ZNF783: variants seen among roughly 807,000 people sequenced by gnomAD.
The protein encoded by ZNF783 is zinc finger protein 783, also known as protein ZNF783.
A neutral mutation model predicts 31.3 loss-of-function variants in ZNF783; 25 were observed. The ratio of observed to expected loss-of-function variants is 0.80; its 90% confidence interval spans 0.58 to 1.11. The LOEUF is 1.11. ZNF783 is among the 50% of genes most tolerant of loss of function. The pLI, the probability that ZNF783 is intolerant of heterozygous loss-of-function variation, is 0.00. For missense variants in ZNF783, 797 were observed against 760.0 expected (o/e 1.05, Z -0.57); for synonymous variants, 369 against 319.1 (o/e 1.16, Z -1.66).
At chr7:149,271,509 T>C (rs1003593512) in intron 4 of ZNF783, among the ~76,000 whole-genome samples, 3 of 152,252 alleles carry the variant, frequency 2.0e-5, no homozygotes, top group African/African-American at 7.2e-5. Context: ...TAAAGTCACT[T>C]GAAATATTTT....
rs201759809 is a variant in ZNF783, at chr7:149,262,931, AT to A, written c.24+585del. 3.1e-4 allele frequency among the ~76,000 whole-genome samples: 47 copies of A among 149,498 alleles called. No homozygotes were observed. In the East Asian group the frequency reaches 6.5e-3, roughly 21 times the overall value. ...AGATTACTGTAGCAGATTTTATTTA[AT>A]TTTTTTTTTTGAGAGGGAGTCTCGC... On this transcript the variant is annotated intron_variant, in intron 1 of 5. Transcript: ENST00000434415.
At chr7:149,267,392 G>A (rs1469545822) in intron 4 of ZNF783, among the ~76,000 whole-genome samples, 170 bp downstream of exon 4, 1 of 152,220 alleles carries the variant, frequency 6.6e-6, no homozygotes, top group Non-Finnish European at 1.5e-5. Flanking sequence ...TGGGTGGCTG[G>A]CTTGAGCCAT....
chr7:149,282,260 C>A lies in ZNF783; in HGVS notation c.1558C>A (p.Gln520Lys). ...GCACATGCAGACCCACGCCCGAGGCCAGGTGGGCCCACACTTCCCTGCCGC... is the reference window on the plus strand; with the variant it reads ...GCACATGCAGACCCACGCCCGAGGCAAGGTGGGCCCACACTTCCCTGCCGC... ...AVHMQTHARG[Q>K]VGPHFPAAPA... Residue 520 changes from glutamine (Q) to lysine (K), a missense_variant, in exon 6 of 6, where the codon CAG (glutamine) becomes AAG (lysine). By Grantham distance (53) the Gln-to-Lys change is moderately conservative. Coordinates refer to ENST00000434415, the MANE Select transcript of ZNF783 (RefSeq NM_001195220.2). 6.3e-7 allele frequency: 1 copy of A among 1,593,792 alleles called. No homozygotes were observed. Among genetic ancestry groups the A allele is most frequent in the Non-Finnish European group, 8.5e-7 (1 of 1,178,046 alleles).
intron 5 of ZNF783, among the ~76,000 whole-genome samples, chr7:149,279,726 T>C (rs1160879618): frequency 7.0e-6 from 1 of 143,626 alleles, no homozygotes; most frequent in Non-Finnish European, 1.5e-5. Flanking sequence ...CATAGGACAA[T>C]AGTGGAGGGA....
At chr7:149,276,653 T>TTTA in intron 4 of ZNF783, 1 of 757,440 alleles carries the variant, frequency 1.3e-6, no homozygotes, top group Non-Finnish European at 1.6e-6. Flanking sequence ...TTGGGTTACT[T>TTTA]TTTATTTATT....
At chr7:149,268,628 T>TAGTCTACAGTAGTCCCCCTGTA (rs1368337488) in intron 4 of ZNF783, among the ~76,000 whole-genome samples, 1 of 152,204 alleles carries the variant, frequency 6.6e-6, no homozygotes, top group African/African-American at 2.4e-5. Context: ...TAGTCCACAG[T>TAGTCTACAGTAGTCCCCCTGTA]GTCTATTTTT....
intron 3 of ZNF783, 38 bp downstream of exon 3, chr7:149,266,983 A>G (rs780828530): frequency 3.7e-6 from 6 of 1,613,630 alleles, no homozygotes; most frequent in Non-Finnish European, 5.1e-6. Flanking sequence ...CTCTGTCCAC[A>G]GGTTGTCTGT....
rs187646530 is a variant in ZNF783, at chr7:149,266,390, A to G, written c.80A>G (p.Gln27Arg). The change falls in exon 2 of 6, where the codon CAG becomes CGG. Residue 27 changes from glutamine (Q) to arginine (R), a missense_variant. Transcript: ENST00000434415. ...EDQSPSTPLP[Q>R]PAAEKNSYLY... ...CAGAGTCCTTCGACACCCTTGCCCC[A>G]GCCAGCTGCTGAGAAGAACTCGTAC... 1,189 of 1,599,610 alleles carry G rather than the reference A, an allele frequency of 7.4e-4. No individual in the cohort carries two copies. Among genetic ancestry groups the G allele is most frequent in the Middle Eastern group, 2.1e-3 (13 of 6,056 alleles).
Position 149,266,881 on chromosome 7 carries a change from G to A in ZNF783, c.483G>A (p.Glu161=), listed in dbSNP as rs746472188. Residue 161 remains glutamate (E), a synonymous_variant, in exon 3 of 6, where the codon GAG becomes GAA. Transcript: ENST00000434415. Reference sequence around the variant, plus strand: ...CTGAGCTGGAGTGGGGCAAGCTGGAGGACTGGCAGAAGGAGCTCTACAAGC... The same window carrying A: ...CTGAGCTGGAGTGGGGCAAGCTGGAAGACTGGCAGAAGGAGCTCTACAAGC... ...YFSELEWGKL[E]DWQKELYKHV... 6.2e-7 allele frequency: 1 copy of A among 1,614,128 alleles called. No individual in the cohort carries two copies.
At chr7:149,279,656 A>AATTTT (rs1436713062) in intron 5 of ZNF783, among the ~76,000 whole-genome samples, 1 of 99,912 alleles carries the variant, frequency 1.0e-5, no homozygotes, top group Admixed American at 9.7e-5. Flanking sequence ...TTTTTTTTTA[A>AATTTT]TTTTTTTTTT....
chr7:149,270,320 G>A (rs1227594992), intron 4 of ZNF783, among the ~76,000 whole-genome samples: 1 of 152,182 alleles, frequency 6.6e-6, no homozygotes, highest in African/African-American at 2.4e-5. Flanking sequence ...CGTAAAGACA[G>A]AGTTTCACTA....
chr7:149,274,359 C>CTTTTTTTTTTTTTTTTTTT, intron 4 of ZNF783, among the ~76,000 whole-genome samples: 1 of 147,398 alleles, frequency 6.8e-6, no homozygotes, highest in South Asian at 2.1e-4. Flanking sequence ...TTTTTTTTTC[C>CTTTTTTTTTTTTTTTTTTT]TTTTCTTTTT....
chr7:149,281,575 G>A lies in ZNF783; in HGVS notation c.873G>A (p.Gly291=), dbSNP rs374155168. ...DEMTPERLFL[G]VSRGQTECRI... ...TGACGCCTGAGCGGCTCTTTCTGGG[G>A]GTGTCCCGAGGCCAGACCGAGTGTA... Residue 291 remains glycine (G), a synonymous_variant, in exon 6 of 6, where the codon GGG becomes GGA. Transcript: ENST00000434415. The A allele has an allele frequency of 2.6e-4, 397 of 1,511,462 alleles. 11 individuals carry two copies. In the South Asian group the frequency reaches 4.8e-3, roughly 18 times the overall value. 93.6% of individuals were successfully genotyped at this position (1,511,462 alleles called of 1,614,324 possible). A position where few individuals can be genotyped will look rare whatever the true frequency, so the allele number is the denominator to read the frequency against.
intron 4 of ZNF783, among the ~76,000 whole-genome samples, chr7:149,269,228 G>A (rs1479280721): frequency 1.3e-5 from 2 of 152,110 alleles, no homozygotes; most frequent in East Asian, 1.9e-4. Context: ...TTTGTTGGCC[G>A]CTTGCATGTC....
chr7:149,277,660 A>C (rs1204325134), intron 4 of ZNF783: 1 of 149,760 alleles, frequency 6.7e-6, no homozygotes, highest in Non-Finnish European at 1.5e-5. Flanking sequence ...AATTGCTTGA[A>C]CCTGGGAGTC....
intron 4 of ZNF783, among the ~76,000 whole-genome samples, chr7:149,270,093 C>T (rs1427593631): frequency 6.6e-6 from 1 of 152,068 alleles, no homozygotes; most frequent in African/African-American, 2.4e-5. Context: ...GGGTTGGTTC[C>T]AAGTGTTTGC....
At chr7:149,266,203 C>G (rs1052605545) in intron 1 of ZNF783, 132 bp from the exon 2 acceptor site, 53 of 1,057,752 alleles carry the variant, frequency 5.0e-5, no homozygotes, top group Middle Eastern at 6.1e-4. Context: ...CTCTCCCCCC[C>G]AGTCTGCTGC....
Position 149,281,752 on chromosome 7 carries a change from C to T in ZNF783, c.1050C>T (p.Pro350=), listed in dbSNP as rs1399007531. 1.3e-6 allele frequency: 2 copies of T among 1,490,938 alleles called. No homozygotes were observed. Among genetic ancestry groups the T allele is most frequent in the Non-Finnish European group, 1.8e-6 (2 of 1,129,352 alleles). The allele number at this position is 1,490,938 out of a possible 1,614,324, so 92.4% of individuals were successfully genotyped here. A position where few individuals can be genotyped will look rare whatever the true frequency, so the allele number is the denominator to read the frequency against. ...CCCGCAGGCGGCAGCGGGCATTCCC[C>T]TGCCCCGACTGCGGGCAGAGCTTCC... is the stretch of plus-strand genomic sequence containing the variant. ...VLSRRRQRAF[P]CPDCGQSFRL... Residue 350 remains proline, a synonymous_variant, in exon 6 of 6, where the codon CCC becomes CCT. Coordinates refer to ENST00000434415, the MANE Select transcript of ZNF783 (RefSeq NM_001195220.2).
chr7:149,274,357 TCCTTTTC>T, intron 4 of ZNF783, among the ~76,000 whole-genome samples: 1 of 150,802 alleles, frequency 6.6e-6, no homozygotes. Flanking sequence ...CTTTTTTTTT[TCCTTTTC>T]TTTTTTTTTT....
Sources: gnomAD v4.1 joint callset for allele counts (sites outside exome capture counted in the v4.1 genomes callset) on GRCh38, gnomAD v4.1.1 for gene constraint, MANE v1.5 for transcripts, NCBI Gene and HGNC (gene_info 2026-07-23, HGNC 2026-07-21) for gene names.